Variants in PNPLA7 observed in about 807,000 individuals in gnomAD.
The protein encoded by PNPLA7 is patatin-like phospholipase domain-containing protein 7.
PNPLA7 carries 153 observed loss-of-function variants against 161.7 expected under a neutral mutation model. The ratio of observed to expected loss-of-function variants is 0.95; its 90% confidence interval spans 0.83 to 1.08. The LOEUF is 1.08. PNPLA7 is among the 50% of genes least tolerant of loss of function. PNPLA7 has a pLI of 0.00. For missense variants in PNPLA7, 1,739 were observed against 1,856.6 expected (o/e 0.94, Z 1.16); for synonymous variants, 809 against 782.1 (o/e 1.03, Z -0.57).
At chr9:137,532,010 C>A (rs1273415767) in intron 8 of PNPLA7, among the ~76,000 whole-genome samples, 1 of 152,198 alleles carries the variant, frequency 6.6e-6, no homozygotes, top group Non-Finnish European at 1.5e-5. Flanking sequence ...CAGCAATCTC[C>A]TTTCCTCTCC....
At chr9:137,493,109 C>A in intron 19 of PNPLA7, 27 bp from the exon 20 acceptor site, 1 of 1,612,322 alleles carries the variant, frequency 6.2e-7, no homozygotes, top group Non-Finnish European at 8.5e-7. Flanking sequence ...GAGCCAAGAG[C>A]CACACGTTTT....
chr9:137,514,877 C>A (rs1382903787), intron 12 of PNPLA7, among the ~76,000 whole-genome samples: 2 of 139,942 alleles, frequency 1.4e-5, no homozygotes, highest in Non-Finnish European at 1.5e-5. Flanking sequence ...GGCTGGGCTG[C>A]AGGCGGGTCA....
At chr9:137,518,450 C>A in intron 11 of PNPLA7, among the ~76,000 whole-genome samples, 2 of 71,174 alleles carry the variant, frequency 2.8e-5, no homozygotes, top group African/African-American at 1.2e-4. Context: ...ACTCCATCCC[C>A]CACTCACTCA....
chr9:137,502,496 G>A (rs979943088), intron 14 of PNPLA7, among the ~76,000 whole-genome samples: 5 of 148,524 alleles, frequency 3.4e-5, no homozygotes, highest in Admixed American at 6.8e-5. Context: ...AGAGATGGAG[G>A]AGGATGAGAA....
intron 19 of PNPLA7, among the ~76,000 whole-genome samples, chr9:137,494,423 C>G (rs1169899005): frequency 1.3e-5 from 2 of 152,184 alleles, no homozygotes; most frequent in Non-Finnish European, 2.9e-5. Context: ...CCCCACCCAG[C>G]TGGGCTCTAA....
intron 17 of PNPLA7, 33 bp from the exon 18 acceptor site, chr9:137,497,343 G>A: frequency 6.7e-7 from 1 of 1,488,324 alleles, no homozygotes; most frequent in Non-Finnish European, 9.0e-7. Context: ...GCAGCCCTGG[G>A]CCCCCAGCCT....
At chr9:137,491,248 A>C (rs1832748447) in intron 20 of PNPLA7, among the ~76,000 whole-genome samples, 1 of 152,180 alleles carries the variant, frequency 6.6e-6, no homozygotes, top group Admixed American at 6.6e-5. Context: ...TCCAACCTAG[A>C]CAAAATAGCG....
intron 18 of PNPLA7, among the ~76,000 whole-genome samples, chr9:137,495,898 C>T (rs1833029284): frequency 6.6e-6 from 1 of 152,118 alleles, no homozygotes; most frequent in Non-Finnish European, 1.5e-5. Context: ...AAGCAGAGGC[C>T]CAGGGCCTGC....
chr9:137,502,551 G>GA, intron 14 of PNPLA7, among the ~76,000 whole-genome samples: 1 of 145,722 alleles, frequency 6.9e-6, no homozygotes, highest in East Asian at 2.2e-4. Flanking sequence ...GAGGACGGCC[G>GA]CTGACGGAGA....
chr9:137,478,475 C>G (rs1045321122), intron 24 of PNPLA7: 55 of 259,888 alleles, frequency 2.1e-4, no homozygotes, highest in African/African-American at 1.1e-3. Flanking sequence ...TGGGGTCCCT[C>G]TATCCTGCAG....
intron 9 of PNPLA7, 21 bp from the exon 10 acceptor site, chr9:137,521,737 C>A (rs562743383): frequency 1.2e-6 from 2 of 1,604,048 alleles, no homozygotes; most frequent in Admixed American, 1.7e-5. Flanking sequence ...ACGCCAGCTG[C>A]GCGGTGACCA....
rs764082806 is a variant in PNPLA7, at chr9:137,540,319, A to G, written c.747+323T>C. Among the ~76,000 whole-genome samples the G allele has an allele frequency of 1.3e-5, 2 of 152,208 alleles. No homozygotes were observed. Among genetic ancestry groups the G allele is most frequent in the Non-Finnish European group, 2.9e-5 (2 of 68,032 alleles). On this transcript the variant is annotated intron_variant, in intron 8 of 34. Coordinates refer to ENST00000406427, the MANE Select transcript of PNPLA7 (RefSeq NM_001098537.3). This position sits in a 1 kb window ranked among gnomAD's most constrained non-coding sequence, Gnocchi z 5.1. ...GTCCCTCGGGAGGGCCTTGGGCCTG[A>G]GGAGAGGAGAAAACGCCTTCCCTCT...
At chr9:137,528,541 C>A (rs1382973785) in intron 8 of PNPLA7, among the ~76,000 whole-genome samples, 1 of 152,140 alleles carries the variant, frequency 6.6e-6, no homozygotes, top group Non-Finnish European at 1.5e-5. Flanking sequence ...CTCGGCCTCC[C>A]AAAGTGCTGG....
intron 25 of PNPLA7, among the ~76,000 whole-genome samples, chr9:137,472,144 G>C (rs1254641114): frequency 6.6e-6 from 1 of 151,838 alleles, no homozygotes; most frequent in African/African-American, 2.4e-5. Context: ...CACCTGCAGG[G>C]CCACTGGATC....
chr9:137,460,738 C>T lies in PNPLA7; in HGVS notation c.3842-1G>A, dbSNP rs1831141877. Reference sequence around the variant, plus strand: ...TACTCCGTCTGGTAGTCAGATTCGTCTGGCACCGAGGGTAGGGCTGCGTCA... The same window carrying T: ...TACTCCGTCTGGTAGTCAGATTCGTTTGGCACCGAGGGTAGGGCTGCGTCA... On this transcript the variant is annotated splice_acceptor_variant, in intron 33 of 34. Transcript: ENST00000406427. LOFTEE classifies it high-confidence loss of function. 3.7e-6 allele frequency: 6 copies of T among 1,611,992 alleles called. 1 individual carries two copies. The South Asian group carries it at 5.5e-5, about 15-fold the overall frequency.
At position 137,463,490 on chromosome 9, in the gene PNPLA7, C is replaced by T. The variant is rs548461420; in HGVS notation, c.3268G>A (p.Gly1090Ser). The T allele has an allele frequency of 5.5e-5, 88 of 1,590,526 alleles. No homozygotes were observed. The South Asian group carries it at 6.4e-4, about 12-fold the overall frequency. The change falls in exon 29 of 35, where the codon GGT becomes AGT. Residue 1090 changes from glycine to serine, a missense_variant. Coordinates refer to ENST00000406427, the MANE Select transcript of PNPLA7 (RefSeq NM_001098537.3). ...GGGTCACAGAGAGGGGGCATGTAAC[C>T]GGACAGGGACATGCTGGCACGCACG... ...WYVRASMSLS[G>S]YMPPLCDPKD...
chr9:137,465,584 C>T (rs1020963505), intron 26 of PNPLA7, among the ~76,000 whole-genome samples: 5 of 152,210 alleles, frequency 3.3e-5, no homozygotes, highest in African/African-American at 4.8e-5. Flanking sequence ...TGAGCAGCCA[C>T]GCTGAAGGTG....
chr9:137,534,944 A>C (rs1041172971), intron 8 of PNPLA7, among the ~76,000 whole-genome samples: 3 of 140,782 alleles, frequency 2.1e-5, no homozygotes, highest in Non-Finnish European at 4.5e-5. Flanking sequence ...CCTTAACCCC[A>C]GCAGGGCCAA....
In PNPLA7 at chr9:137,486,773, C is replaced by T. The variant is rs1054624037; in HGVS notation, c.2198-2037G>A. 6.6e-6 allele frequency among the ~76,000 whole-genome samples: 1 copy of T among 152,072 alleles called. No individual in the cohort carries two copies. The highest frequency in any genetic ancestry group is 2.4e-5 in the African/African-American group (1 of 41,352). On this transcript the variant is annotated intron_variant, in intron 20 of 34. Transcript: ENST00000406427. The surrounding 1 kb of genome is among the most constrained non-coding windows in gnomAD (Gnocchi z 6.0). ...GTGCACAGTGGCCGGAGCTGGCCTTCGACGCCCAAGTCTGCCCGGAGCCTT... is the reference window on the plus strand; with the variant it reads ...GTGCACAGTGGCCGGAGCTGGCCTTTGACGCCCAAGTCTGCCCGGAGCCTT...
Sources: gnomAD v4.1 joint callset for allele counts (sites outside exome capture counted in the v4.1 genomes callset) on GRCh38, gnomAD v4.1.1 for gene constraint, Gnocchi (gnomAD v3.1) non-coding constraint, MANE v1.5 for transcripts, NCBI Gene and HGNC (gene_info 2026-07-23, HGNC 2026-07-21) for gene names.